The following CAMK1D variants were observed in gnomAD, a reference collection of about 807,000 sequenced individuals.
The protein encoded by CAMK1D is calcium/calmodulin dependent protein kinase ID, also known as calcium/calmodulin-dependent protein kinase type 1D.
Under a neutral mutation model 47.7 loss-of-function variants are expected in CAMK1D, and 9 were observed. The ratio of observed to expected loss-of-function variants is 0.19; its 90% CI spans 0.11 to 0.33. The LOEUF (loss-of-function observed/expected upper bound fraction) is 0.33, where lower values mean the gene tolerates loss of function less well. Among genes scored for constraint, CAMK1D ranks in the 10% least tolerant of loss-of-function variants. The pLI is 1.00. For synonymous variants in CAMK1D, 184 were observed against 184.9 expected, an observed-to-expected ratio of 0.99 and a Z score of 0.04; for missense variants, 291 against 488.7, an observed-to-expected ratio of 0.60 and a Z score of 3.81.
chr10:12,437,884 C>G (rs1832681033), intron 1 of CAMK1D, among the ~76,000 whole-genome samples: 1 of 152,196 alleles, frequency 6.6e-6, no homozygotes, highest in South Asian at 2.1e-4. Context: ...TTTGCCTTTT[C>G]TAGAGTGTCA....
At chr10:12,739,442 A>ATT (rs1186963710) in intron 3 of CAMK1D, among the ~76,000 whole-genome samples, 4,470 of 127,688 alleles carry the variant, frequency 0.035, 149 homozygotes, top group African/African-American at 0.073. Context: ...CACCCGGCTA[A>ATT]TTTTTTTTTT....
intron 2 of CAMK1D, among the ~76,000 whole-genome samples, chr10:12,564,805 A>C (rs1837071021): frequency 6.6e-6 from 1 of 152,246 alleles, no homozygotes; most frequent in Admixed American, 6.5e-5. Flanking sequence ...CAATAGATGT[A>C]GTGTTTTTGG....
chr10:12,749,086 A>G (rs1835809174), intron 3 of CAMK1D, among the ~76,000 whole-genome samples: 1 of 152,174 alleles, frequency 6.6e-6, no homozygotes, highest in Non-Finnish European at 1.5e-5. Context: ...AGGTCTAACC[A>G]TGCTCCACAC....
At chr10:12,421,150 G>A (rs1192156497) in intron 1 of CAMK1D, among the ~76,000 whole-genome samples, 2 of 152,194 alleles carry the variant, frequency 1.3e-5, no homozygotes, top group Non-Finnish European at 2.9e-5. Context: ...GACTAGGCGG[G>A]TGTAAGCTTC....
At chr10:12,543,462 T>C (rs1160662041) in intron 1 of CAMK1D, among the ~76,000 whole-genome samples, 1 of 152,152 alleles carries the variant, frequency 6.6e-6, no homozygotes, top group Non-Finnish European at 1.5e-5. Flanking sequence ...ATAATAATAA[T>C]TGGTAGTGAG....
At chr10:12,443,213 C>T (rs938302990) in intron 1 of CAMK1D, among the ~76,000 whole-genome samples, 3 of 152,070 alleles carry the variant, frequency 2.0e-5, no homozygotes, top group Non-Finnish European at 4.4e-5. Context: ...CAGATCTTCT[C>T]GGGGTTTGCC....
At chr10:12,401,095 TTA>T (rs1245272091) in intron 1 of CAMK1D, among the ~76,000 whole-genome samples, 21 of 77,648 alleles carry the variant, frequency 2.7e-4, no homozygotes, top group South Asian at 1.9e-3. Context: ...ATTATATATA[TTA>T]TATATATATT....
At chr10:12,626,491 T>C (rs74891140) in intron 2 of CAMK1D, among the ~76,000 whole-genome samples, 4 of 150,848 alleles carry the variant, frequency 2.7e-5, no homozygotes, top group African/African-American at 9.7e-5. Context: ...TTTTTTTTTT[T>C]GAGATGGAGT....
At chr10:12,575,611 C>T (rs773095355) in intron 2 of CAMK1D, among the ~76,000 whole-genome samples, 3 of 152,178 alleles carry the variant, frequency 2.0e-5, no homozygotes, top group Non-Finnish European at 2.9e-5. Flanking sequence ...AATGGTAGCA[C>T]TTCCACTTAT....
At chr10:12,384,581 G>A (rs1484307897) in intron 1 of CAMK1D, among the ~76,000 whole-genome samples, 1 of 152,160 alleles carries the variant, frequency 6.6e-6, no homozygotes, top group Admixed American at 6.5e-5. Flanking sequence ...ATAATTCAGT[G>A]ATGGGAAGAA....
At chr10:12,452,788 A>G (rs531593505) in intron 1 of CAMK1D, among the ~76,000 whole-genome samples, 1 of 152,102 alleles carries the variant, frequency 6.6e-6, no homozygotes, top group African/African-American at 2.4e-5. Flanking sequence ...GTTTCACCAT[A>G]TTGGTCAGGA....
intron 4 of CAMK1D, among the ~76,000 whole-genome samples, chr10:12,761,954 T>C (rs1249617254): frequency 6.6e-6 from 1 of 152,196 alleles, no homozygotes; most frequent in Non-Finnish European, 1.5e-5. Context: ...GAGGTTTTGG[T>C]ATATTGACCC....
In CAMK1D at chr10:12,738,471, A is replaced by T. The variant is rs186199642; in HGVS notation, c.300-22477A>T. ...ATCCAAAATGTAAACAAAGATATTT[A>T]TGCCAACTTGATCTGTTCATTTTTA... On this transcript the variant is annotated intron_variant, in intron 3 of 10. Transcript: ENST00000619168. 6.6e-5 allele frequency among the ~76,000 whole-genome samples: 10 copies of T among 152,362 alleles called. No individual in the cohort carries two copies. In the East Asian group the frequency reaches 1.9e-3, roughly 29 times the overall value.
intron 3 of CAMK1D, among the ~76,000 whole-genome samples, chr10:12,748,444 G>C (rs74118560): frequency 0.011 from 1,646 of 152,270 alleles, 30 homozygotes; most frequent in African/African-American, 0.038. Flanking sequence ...GGGCACTGGC[G>C]TGTGACTCAG....
chr10:12,508,607 C>T (rs1428529410), intron 1 of CAMK1D, among the ~76,000 whole-genome samples: 7 of 152,210 alleles, frequency 4.6e-5, no homozygotes, highest in African/African-American at 1.7e-4. Context: ...CCTAGTGCCA[C>T]TGAACTCTAC....
chr10:12,440,294 T>C (rs1037189808), intron 1 of CAMK1D, among the ~76,000 whole-genome samples: 1 of 151,936 alleles, frequency 6.6e-6, no homozygotes, highest in South Asian at 2.1e-4. Context: ...GGATTTTTTT[T>C]TTTTTTTTGA....
chr10:12,798,211 C>G (rs1167640750), intron 6 of CAMK1D, among the ~76,000 whole-genome samples: 2 of 152,188 alleles, frequency 1.3e-5, no homozygotes, highest in Admixed American at 6.5e-5. Context: ...AACCCCATCT[C>G]CTAGAAGCCA....
chr10:12,780,018 A>T (rs1837423185), intron 5 of CAMK1D, among the ~76,000 whole-genome samples: 1 of 152,044 alleles, frequency 6.6e-6, no homozygotes, highest in Non-Finnish European at 1.5e-5. Flanking sequence ...CTTTGGTCTA[A>T]CTCGGCCTTA....
At chr10:12,547,686 A>T (rs74644956) in intron 1 of CAMK1D, among the ~76,000 whole-genome samples, 10 of 95,994 alleles carry the variant, frequency 1.0e-4, no homozygotes, top group Middle Eastern at 0.018. Context: ...TCTCTCTCAC[A>T]CACACACACA....
Sources: allele counts gnomAD v4.1 joint callset (sites outside exome capture counted in the v4.1 genomes callset), GRCh38; gene constraint gnomAD v4.1.1; transcripts MANE v1.5; gene names NCBI Gene and HGNC (gene_info 2026-07-23, HGNC 2026-07-21).